MAGI1: variants seen among roughly 807,000 people sequenced by gnomAD.
MAGI1 encodes the protein membrane-associated guanylate kinase, WW and PDZ domain-containing protein 1.
Under a neutral mutation model 139.9 loss-of-function variants are expected in MAGI1, and 58 were observed. That is an observed-to-expected ratio of 0.41 (90% CI 0.34 to 0.52). MAGI1 has a LOEUF of 0.52. Among genes scored for constraint, MAGI1 ranks in the 20% least tolerant of loss-of-function variants. The probability of loss-of-function intolerance (pLI) is 0.12; values close to 1 mark genes in which losing one functional copy is unlikely to be tolerated. For missense variants in MAGI1, 1,874 were observed against 1,901.6 expected (o/e 0.99, Z 0.27); for synonymous variants, 812 against 737.9 (o/e 1.10, Z -1.63).
chr3:65,840,340 G>C (rs577543039), intron 1 of MAGI1, among the ~76,000 whole-genome samples: 1 of 152,076 alleles, frequency 6.6e-6, no homozygotes, highest in Non-Finnish European at 1.5e-5. Flanking sequence ...TTTGTTCACT[G>C]CCTTAGGCAG....
intron 1 of MAGI1, chr3:65,687,744 G>C: frequency 1.8e-6 from 1 of 550,230 alleles, no homozygotes; most frequent in Non-Finnish European, 3.7e-6. Flanking sequence ...TGAGAGCACA[G>C]GATCCTTCTG....
intron 1 of MAGI1, among the ~76,000 whole-genome samples, chr3:65,992,361 T>C (rs1008477664): frequency 2.6e-5 from 4 of 152,238 alleles, no homozygotes; most frequent in Non-Finnish European, 1.5e-5. Flanking sequence ...GTATTTCCTC[T>C]ACTCCTCCAG....
chr3:65,530,655 G>GTATATA (rs1364060109), intron 2 of MAGI1, among the ~76,000 whole-genome samples: 2 of 76,104 alleles, frequency 2.6e-5, no homozygotes, highest in African/African-American at 9.3e-5. Flanking sequence ...GTGTGTGTGT[G>GTATATA]TGTGTGTATA....
At chr3:66,030,877 C>A (rs2068552426) in intron 1 of MAGI1, among the ~76,000 whole-genome samples, 1 of 152,222 alleles carries the variant, frequency 6.6e-6, no homozygotes, top group Non-Finnish European at 1.5e-5. Flanking sequence ...ATAAAAGACA[C>A]TGCTCAAATT....
chr3:65,684,167 C>CAAAAAAAAAAAAAAAAAAAA (rs1163089641), intron 1 of MAGI1, among the ~76,000 whole-genome samples: 1 of 79,414 alleles, frequency 1.3e-5, no homozygotes, highest in Non-Finnish European at 2.4e-5. Context: ...GAGACTGTCT[C>CAAAAAAAAAAAAAAAAAAAA]AAAAAAAAAA....
At chr3:65,452,527 A>G (rs1575800025) in intron 6 of MAGI1, 2 of 152,262 alleles carry the variant, frequency 1.3e-5, no homozygotes, top group East Asian at 3.9e-4. Context: ...TAATTTTGGT[A>G]GAACTTGGGA....
At chr3:65,713,442 A>G (rs2031775732) in intron 1 of MAGI1, among the ~76,000 whole-genome samples, 1 of 152,194 alleles carries the variant, frequency 6.6e-6, no homozygotes, top group Non-Finnish European at 1.5e-5. Flanking sequence ...GATTTTTTAA[A>G]AAAAGAAAAA....
chr3:65,975,684 G>A (rs1313663967), intron 1 of MAGI1, among the ~76,000 whole-genome samples: 2 of 152,046 alleles, frequency 1.3e-5, no homozygotes, highest in Non-Finnish European at 2.9e-5. Flanking sequence ...AAAGAAAGAT[G>A]ATTTTTGCAT....
At chr3:65,604,172 T>A (rs1255820313) in intron 2 of MAGI1, among the ~76,000 whole-genome samples, 1 of 151,962 alleles carries the variant, frequency 6.6e-6, no homozygotes, top group Non-Finnish European at 1.5e-5. Flanking sequence ...TGCACATTTA[T>A]GTTTAAAAAC....
intron 18 of MAGI1, among the ~76,000 whole-genome samples, chr3:65,370,555 C>G (rs1941885270): frequency 2.6e-5 from 4 of 152,186 alleles, no homozygotes; most frequent in Admixed American, 2.6e-4. Flanking sequence ...TTAAAATTGC[C>G]TTTATAATGC....
rs1170215972 is a variant in MAGI1 at position 65,548,511 on chromosome 3, C to CTTTTTTTTTTTTTTTTTTTTTTT, written c.431-54903_431-54881dup. On this transcript the variant is annotated intron_variant, in intron 2 of 22. Coordinates refer to ENST00000402939, the MANE Select transcript of MAGI1 (RefSeq NM_001033057.2). Reference sequence around the variant, plus strand: ...AGCCCAGCTTTATGCAAACAACACTCTTTTTTTTTTTTTTTTTTTTTTTTT... The same window carrying CTTTTTTTTTTTTTTTTTTTTTTT: ...AGCCCAGCTTTATGCAAACAACACTCTTTTTTTTTTTTTTTTTTTTTTTTTTTTTTTTTTTTTTTTTTTTTTTT... Among the ~76,000 whole-genome samples the CTTTTTTTTTTTTTTTTTTTTTTT allele has an allele frequency of 1.0e-4, 9 of 87,386 alleles. 2 individuals are homozygous for CTTTTTTTTTTTTTTTTTTTTTTT. Among genetic ancestry groups the CTTTTTTTTTTTTTTTTTTTTTTT allele is most frequent in the Admixed American group, 3.0e-4 (2 of 6,596 alleles). 57.3% of individuals were successfully genotyped at this position (87,386 alleles called of 152,430 possible).
intron 1 of MAGI1, among the ~76,000 whole-genome samples, chr3:65,855,957 A>G (rs925986916): frequency 2.0e-5 from 3 of 152,118 alleles, no homozygotes; most frequent in African/African-American, 7.2e-5. Flanking sequence ...TGTTAGACCA[A>G]CACAGGACTC....
intron 1 of MAGI1, among the ~76,000 whole-genome samples, chr3:65,633,044 G>A (rs969145161): frequency 1.3e-5 from 2 of 152,140 alleles, no homozygotes; most frequent in African/African-American, 2.4e-5. Context: ...AAATTCTAGG[G>A]GTGGAGGTTC....
intron 13 of MAGI1, among the ~76,000 whole-genome samples, chr3:65,395,954 A>G (rs1224078858): frequency 2.6e-5 from 4 of 152,042 alleles, no homozygotes; most frequent in Non-Finnish European, 5.9e-5. Flanking sequence ...GGTGCAGTCA[A>G]TGTGGGGACC....
intron 1 of MAGI1, among the ~76,000 whole-genome samples, chr3:65,666,898 G>T (rs1199431263): frequency 6.6e-6 from 1 of 152,150 alleles, no homozygotes; most frequent in Non-Finnish European, 1.5e-5. Context: ...CCATTAGGGG[G>T]AGATGAGCGC....
At chr3:65,946,722 C>T (rs1250004399) in intron 1 of MAGI1, among the ~76,000 whole-genome samples, 3 of 152,096 alleles carry the variant, frequency 2.0e-5, no homozygotes, top group Non-Finnish European at 4.4e-5. Context: ...CACCAGCCTG[C>T]GCTGACTCCA....
intron 1 of MAGI1, 76 bp from the exon 2 acceptor site, chr3:65,622,164 G>C (rs773827628): frequency 2.9e-6 from 3 of 1,023,066 alleles, no homozygotes; most frequent in Non-Finnish European, 4.6e-6. Flanking sequence ...AGAACTGATT[G>C]CAAGAAAGCC....
chr3:65,517,260 C>G (rs1166086748), intron 2 of MAGI1, among the ~76,000 whole-genome samples: 1 of 152,160 alleles, frequency 6.6e-6, no homozygotes, highest in Non-Finnish European at 1.5e-5. Context: ...CTCAAGACAG[C>G]CCCAGTGCTT....
In MAGI1 at chr3:65,493,401, TG is replaced by T. The variant is rs1177008892; in HGVS notation, c.550+110del. 4 of 1,261,222 alleles carry T rather than the reference TG, an allele frequency of 3.2e-6. No homozygotes were observed. In the African/African-American group the frequency reaches 6.0e-5, roughly 19 times the overall value. 78.1% of individuals were successfully genotyped at this position (1,261,222 alleles called of 1,614,324 possible). A position where few individuals can be genotyped will look rare whatever the true frequency, so the allele number is the denominator to read the frequency against. ...CATATTAAGGTGAACTGAAATCTCC[TG>T]TTATTTGTTTAGACCTCCAGATTCC... On this transcript the variant is annotated intron_variant, in intron 3 of 22. Coordinates refer to ENST00000402939, the MANE Select transcript of MAGI1 (RefSeq NM_001033057.2).
Sources: allele counts gnomAD v4.1 joint callset (sites outside exome capture counted in the v4.1 genomes callset), GRCh38; gene constraint gnomAD v4.1.1; transcripts MANE v1.5; gene names NCBI Gene and HGNC (gene_info 2026-07-23, HGNC 2026-07-21).